UBASH3A: variants seen among roughly 807,000 people sequenced by gnomAD.
UBASH3A encodes ubiquitin associated and SH3 domain containing A, also known as ubiquitin-associated and SH3 domain-containing protein A.
Under a neutral mutation model 73.5 loss-of-function variants are expected in UBASH3A, and 63 were observed. The ratio of observed to expected loss-of-function variants is 0.86; its 90% CI spans 0.70 to 1.06. The LOEUF (loss-of-function observed/expected upper bound fraction) is 1.06. Among genes scored for constraint, UBASH3A ranks in the 50% least tolerant of loss-of-function variants. The probability of loss-of-function intolerance (pLI) is 0.00; values close to 1 mark genes in which losing one functional copy is unlikely to be tolerated. For synonymous variants in UBASH3A, 363 were observed against 351.1 expected (o/e 1.03, Z -0.38); for missense variants, 860 against 859.0 (o/e 1.00, Z -0.02).
intron 2 of UBASH3A, among the ~76,000 whole-genome samples, chr21:42,407,125 T>C (rs576374550): frequency 4.0e-4 from 61 of 152,296 alleles, no homozygotes; most frequent in Non-Finnish European, 7.2e-4. Flanking sequence ...CCCACTGCCA[T>C]GGGCCTGTTC....
At chr21:42,446,978 G>C (rs2053853932) in intron 14 of UBASH3A, 79 bp from the exon 15 acceptor site, 1 of 1,506,334 alleles carries the variant, frequency 6.6e-7, no homozygotes, top group Non-Finnish European at 9.0e-7. Flanking sequence ...AGGTGTGCCT[G>C]ACAGTTGGCT....
intron 13 of UBASH3A, among the ~76,000 whole-genome samples, 174 bp downstream of exon 13, chr21:42,443,592 G>A (rs375113270): frequency 1.3e-4 from 20 of 151,252 alleles, no homozygotes; most frequent in African/African-American, 4.6e-4. Context: ...TGCAGTAACC[G>A]GGTGCACAGA....
Position 42,426,695 on chromosome 21 carries a change from A to G in UBASH3A, c.1047-2A>G. On this transcript the variant is annotated splice_acceptor_variant, in intron 7 of 14. Coordinates refer to ENST00000319294, the MANE Select transcript of UBASH3A (RefSeq NM_018961.4). LOFTEE classifies it high-confidence loss of function. The stretch of plus-strand genomic sequence containing the variant: ...TCAAGCCGTGCTTTCCTTCCCCTGC[A>G]GGATGTACACCTTCAGTCTAGCCAC... 1.2e-6 allele frequency: 2 copies of G among 1,613,542 alleles called. No individual in the cohort carries two copies. Among genetic ancestry groups the G allele is most frequent in the Non-Finnish European group, 1.7e-6 (2 of 1,179,656 alleles).
intron 10 of UBASH3A, among the ~76,000 whole-genome samples, chr21:42,436,559 C>G (rs1430754543): frequency 6.6e-6 from 1 of 152,182 alleles, no homozygotes; most frequent in Non-Finnish European, 1.5e-5. Flanking sequence ...GAGGTGCATA[C>G]CCTTATTTTA....
chr21:42,412,998 C>T, intron 3 of UBASH3A, 26 bp from the exon 4 acceptor site: 1 of 1,594,948 alleles, frequency 6.3e-7, no homozygotes, highest in Non-Finnish European at 8.6e-7. Context: ...GGTGTGGAAA[C>T]ACAGGCTCTG....
In UBASH3A at chr21:42,406,289, T is replaced by C. The variant is rs147560741; in HGVS notation, c.114-19T>C. The C allele has an allele frequency of 6.6e-4, 1,062 of 1,612,536 alleles. 4 individuals are homozygous for C. In the African/African-American group the frequency reaches 8.2e-3, roughly 12 times the overall value. On this transcript the variant is annotated intron_variant, in intron 1 of 14. Coordinates refer to ENST00000319294, the MANE Select transcript of UBASH3A (RefSeq NM_018961.4). Reference sequence around the variant, plus strand: ...AGAATGGGCGACGTGACTTTGTGTCTGTGTCTGCTCTTCTGCAGGCTGAAA... The same window carrying C: ...AGAATGGGCGACGTGACTTTGTGTCCGTGTCTGCTCTTCTGCAGGCTGAAA...
In UBASH3A at chr21:42,426,836, C is replaced by CT; in HGVS notation, c.1170+22dup. ...GGCCTTGCAGGTAATAGAACATTCC[C>CT]TTTTTTCTTTTAAGTAAACTAAGCA... On this transcript the variant is annotated intron_variant, in intron 8 of 14. Coordinates refer to ENST00000319294, the MANE Select transcript of UBASH3A (RefSeq NM_018961.4). 6.2e-7 allele frequency: 1 copy of CT among 1,610,928 alleles called. No individual in the cohort carries two copies. Among genetic ancestry groups the CT allele is most frequent in the Non-Finnish European group, 8.5e-7 (1 of 1,178,796 alleles).
chr21:42,431,047 C>T (rs1373547563), intron 8 of UBASH3A, among the ~76,000 whole-genome samples: 3 of 152,222 alleles, frequency 2.0e-5, no homozygotes, highest in Non-Finnish European at 2.9e-5. Flanking sequence ...TTATGCTCCA[C>T]GCAGCTGTCC....
At chr21:42,435,867 A>G (rs543563897) in intron 10 of UBASH3A, among the ~76,000 whole-genome samples, 1 of 152,172 alleles carries the variant, frequency 6.6e-6, no homozygotes, top group South Asian at 2.1e-4. Flanking sequence ...TTATAGAGTT[A>G]TAGAGTCATA....
intron 7 of UBASH3A, among the ~76,000 whole-genome samples, chr21:42,421,257 G>A (rs757938229): frequency 2.0e-5 from 3 of 152,192 alleles, no homozygotes; most frequent in Admixed American, 6.5e-5. Flanking sequence ...AAGACTGATG[G>A]TTGGAACAAC....
intron 3 of UBASH3A, among the ~76,000 whole-genome samples, chr21:42,411,116 TAGAC>T (rs2053085581): frequency 7.9e-6 from 1 of 126,916 alleles, no homozygotes. Flanking sequence ...CACACACAGA[TAGAC>T]ACAGAGACGT....
chr21:42,412,026 G>A (rs1601560837), intron 3 of UBASH3A, among the ~76,000 whole-genome samples: 2 of 152,204 alleles, frequency 1.3e-5, no homozygotes, highest in South Asian at 2.1e-4. Flanking sequence ...GGGAAATTCC[G>A]AGGGCAGCCC....
chr21:42,413,306 T>C lies in UBASH3A; in HGVS notation c.553+84T>C. 6.4e-7 allele frequency: 1 copy of C among 1,550,456 alleles called. No individual in the cohort carries two copies. The highest frequency in any genetic ancestry group is 1.7e-5 in the Admixed American group (1 of 59,008). ...GTGGCAGGGACTAGCCCCCGGCACA[T>C]GGATGCAGTGGGTGGGTTCCAGGGG... On this transcript the variant is annotated intron_variant, in intron 4 of 14. Transcript: ENST00000319294. This position sits in a 1 kb window ranked among gnomAD's most constrained non-coding sequence, Gnocchi z 4.5.
chr21:42,437,791 T>C (rs2053654587), intron 11 of UBASH3A, among the ~76,000 whole-genome samples: 1 of 152,152 alleles, frequency 6.6e-6, no homozygotes, highest in South Asian at 2.1e-4. Flanking sequence ...GTCAGACCAG[T>C]AGGGGCTGGT....
chr21:42,433,491 C>T (rs1042082544), intron 9 of UBASH3A, among the ~76,000 whole-genome samples: 1 of 152,186 alleles, frequency 6.6e-6, no homozygotes, highest in African/African-American at 2.4e-5. Context: ...GCCCCACATC[C>T]TTGTCCTCTC....
chr21:42,432,663 C>T (rs542324366), intron 9 of UBASH3A, among the ~76,000 whole-genome samples: 97 of 152,320 alleles, frequency 6.4e-4, no homozygotes, highest in African/African-American at 2.2e-3. Flanking sequence ...TAAATTAAGG[C>T]ATTGAATGTA....
intron 7 of UBASH3A, among the ~76,000 whole-genome samples, chr21:42,421,263 A>G (rs1043300899): frequency 6.6e-6 from 1 of 152,168 alleles, no homozygotes; most frequent in Non-Finnish European, 1.5e-5. Context: ...GATGGTTGGA[A>G]CAACTGAATG....
At chr21:42,437,665 A>C in intron 11 of UBASH3A, 85 bp downstream of exon 11, 1 of 1,241,900 alleles carries the variant, frequency 8.1e-7, no homozygotes. Flanking sequence ...GTGGAGGTGG[A>C]ATTGGATGAC....
rs1037213279 is a variant in UBASH3A at position 42,417,398 on chromosome 21, T to C, written c.837+787T>C. Reference sequence around the variant, plus strand: ...GAGATCGTACCGTTGCACTCCAGCCTGGGCAACAGAGCGAGACTGGCAAAA... The same window carrying C: ...GAGATCGTACCGTTGCACTCCAGCCCGGGCAACAGAGCGAGACTGGCAAAA... On this transcript the variant is annotated intron_variant, in intron 6 of 14. Coordinates refer to ENST00000319294, the MANE Select transcript of UBASH3A (RefSeq NM_018961.4). 5.3e-5 allele frequency: 6 copies of C among 112,496 alleles called. No individual in the cohort carries two copies. The Admixed American group carries it at 5.4e-4, about 10-fold the overall frequency. The allele number at this position is 112,496 out of a possible 1,614,324, so 7.0% of individuals were successfully genotyped here.
Sources: gnomAD v4.1 joint callset for allele counts (sites outside exome capture counted in the v4.1 genomes callset) on GRCh38, gnomAD v4.1.1 for gene constraint, Gnocchi (gnomAD v3.1) non-coding constraint, MANE v1.5 for transcripts, NCBI Gene and HGNC (gene_info 2026-07-23, HGNC 2026-07-21) for gene names.